PCDH15: variants seen among roughly 807,000 people sequenced by gnomAD.
The protein encoded by PCDH15 is protocadherin related 15, also known as protocadherin-15.
Under a neutral mutation model 178.5 loss-of-function variants are expected in PCDH15, and 129 were observed. That is an observed-to-expected ratio of 0.72 (90% CI 0.63 to 0.84). PCDH15 has a LOEUF of 0.84. Among genes scored for constraint, PCDH15 ranks in the 40% least tolerant of loss-of-function variants. The probability of loss-of-function intolerance (pLI) is 0.00; values close to 1 mark genes in which losing one functional copy is unlikely to be tolerated. For missense variants in PCDH15, 2,230 were observed against 2,099.9 expected, an observed-to-expected ratio of 1.06 and a Z score of -1.21; for synonymous variants, 800 against 732.0, an observed-to-expected ratio of 1.09 and a Z score of -1.50.
intron 1 of PCDH15, among the ~76,000 whole-genome samples, chr10:55,315,110 T>A (rs1843689831): frequency 6.6e-6 from 1 of 152,102 alleles, no homozygotes; most frequent in Admixed American, 6.5e-5. Flanking sequence ...AGTTAATATA[T>A]ATGTGAACAT....
At chr10:54,790,769 A>G (rs1224803931) in intron 1 of PCDH15, among the ~76,000 whole-genome samples, 3 of 151,940 alleles carry the variant, frequency 2.0e-5, no homozygotes, top group Non-Finnish European at 4.4e-5. Context: ...AAGCAGGATT[A>G]ATCAGCCTCT....
chr10:54,568,088 G>A (rs1220136716), intron 2 of PCDH15, among the ~76,000 whole-genome samples: 1 of 152,086 alleles, frequency 6.6e-6, no homozygotes, highest in Non-Finnish European at 1.5e-5. Context: ...GGCTTATTGT[G>A]CTCTATTTAA....
chr10:54,066,294 G>C (rs549385333), intron 18 of PCDH15, among the ~76,000 whole-genome samples: 1 of 152,268 alleles, frequency 6.6e-6, no homozygotes, highest in East Asian at 1.9e-4. Flanking sequence ...AACACTAAGA[G>C]TAAGTTTACT....
intron 2 of PCDH15, among the ~76,000 whole-genome samples, chr10:54,618,844 C>T (rs1245026191): frequency 6.6e-6 from 1 of 151,736 alleles, no homozygotes; most frequent in Admixed American, 6.6e-5. Flanking sequence ...TATATGAAGA[C>T]ACACAGAGAT....
rs74716319 is a variant in PCDH15, at chr10:55,269,040, A to T, written c.-156+50559T>A. 3.8e-3 allele frequency among the ~76,000 whole-genome samples: 585 copies of T among 152,282 alleles called. 3 individuals carry two copies. Among genetic ancestry groups the T allele is most frequent in the African/African-American group, 0.014 (565 of 41,564 alleles). On this transcript the variant is annotated intron_variant, in intron 1 of 5. Coordinates refer to the PCDH15 transcript ENST00000458638. ...CAGAATTAAAAGCAAAAACCGTATGATCACCTCAATAGATTCAGAAAAAGC... is the reference window on the plus strand; with the variant it reads ...CAGAATTAAAAGCAAAAACCGTATGTTCACCTCAATAGATTCAGAAAAAGC...
intron 32 of PCDH15, among the ~76,000 whole-genome samples, chr10:53,824,054 G>A (rs1358043758): frequency 6.6e-6 from 1 of 151,842 alleles, no homozygotes; most frequent in Non-Finnish European, 1.5e-5. Flanking sequence ...CTTATAAATA[G>A]TACCAATCAG....
chr10:55,290,859 A>G (rs1300787037), intron 1 of PCDH15, among the ~76,000 whole-genome samples: 2 of 152,144 alleles, frequency 1.3e-5, no homozygotes, highest in Non-Finnish European at 2.9e-5. Context: ...AGATGGGAGG[A>G]GGAAATTTAT....
At chr10:54,564,436 G>A (rs2088698427) in intron 2 of PCDH15, among the ~76,000 whole-genome samples, 1 of 152,104 alleles carries the variant, frequency 6.6e-6, no homozygotes, top group African/African-American at 2.4e-5. Flanking sequence ...TATTTGGAAA[G>A]CTGTTTCCAT....
At chr10:54,506,101 T>G (rs1159445181) in intron 3 of PCDH15, among the ~76,000 whole-genome samples, 4 of 152,166 alleles carry the variant, frequency 2.6e-5, no homozygotes, top group Non-Finnish European at 4.4e-5. Flanking sequence ...CTGTATCAAA[T>G]GCACAGTTCA....
intron 2 of PCDH15, among the ~76,000 whole-genome samples, chr10:55,409,750 T>G (rs2132033782): frequency 6.6e-6 from 1 of 152,266 alleles, no homozygotes; most frequent in South Asian, 2.1e-4. Flanking sequence ...AGCAAAGTTA[T>G]GTAAATATGT....
intron 2 of PCDH15, among the ~76,000 whole-genome samples, chr10:55,441,312 T>G (rs1293410024): frequency 6.6e-6 from 1 of 152,192 alleles, no homozygotes; most frequent in Non-Finnish European, 1.5e-5. Context: ...CTTTGTTCTT[T>G]GGACATACTG....
intron 18 of PCDH15, among the ~76,000 whole-genome samples, chr10:54,052,251 A>T (rs2093792257): frequency 2.0e-5 from 3 of 152,174 alleles, no homozygotes; most frequent in Admixed American, 6.5e-5. Context: ...TGGATCCACC[A>T]ACACCTTGTA....
At chr10:54,761,005 T>A (rs1947801239) in intron 1 of PCDH15, among the ~76,000 whole-genome samples, 1 of 152,078 alleles carries the variant, frequency 6.6e-6, no homozygotes, top group African/African-American at 2.4e-5. Flanking sequence ...ATATAACTGG[T>A]AGTTTAAGTC....
intron 2 of PCDH15, among the ~76,000 whole-genome samples, chr10:55,568,506 T>C (rs919882914): frequency 2.0e-5 from 3 of 151,892 alleles, no homozygotes; most frequent in Admixed American, 1.3e-4. Context: ...AATTACATTA[T>C]GTGTATTTTT....
At chr10:55,191,798 G>A (rs1298897344) in intron 1 of PCDH15, among the ~76,000 whole-genome samples, 2 of 151,660 alleles carry the variant, frequency 1.3e-5, no homozygotes, top group African/African-American at 4.8e-5. Context: ...CAAACATTTG[G>A]GATTTTCACC....
At chr10:54,464,106 T>A (rs2136528768) in intron 3 of PCDH15, among the ~76,000 whole-genome samples, 1 of 152,236 alleles carries the variant, frequency 6.6e-6, no homozygotes, top group South Asian at 2.1e-4. Flanking sequence ...CAGCCAGGGC[T>A]CTGTTGCACT....
chr10:54,530,870 A>G (rs2083836489), intron 2 of PCDH15, among the ~76,000 whole-genome samples: 1 of 152,210 alleles, frequency 6.6e-6, no homozygotes. Flanking sequence ...TATTAATAAC[A>G]TTGTTCATAA....
intron 23 of PCDH15, among the ~76,000 whole-genome samples, chr10:53,950,326 A>G (rs887764706): frequency 2.6e-5 from 4 of 152,044 alleles, no homozygotes; most frequent in Non-Finnish European, 5.9e-5. Flanking sequence ...TTTTGAATTT[A>G]GGTTGTTATG....
chr10:55,540,729 C>T (rs1841741158), intron 2 of PCDH15, among the ~76,000 whole-genome samples: 1 of 151,832 alleles, frequency 6.6e-6, no homozygotes, highest in Non-Finnish European at 1.5e-5. Flanking sequence ...GAATATGTTC[C>T]CCAATATTAT....
Sources: gnomAD v4.1 joint callset for allele counts (sites outside exome capture counted in the v4.1 genomes callset) on GRCh38, gnomAD v4.1.1 for gene constraint, MANE v1.5 for transcripts, NCBI Gene and HGNC (gene_info 2026-07-23, HGNC 2026-07-21) for gene names.